Variants in SPOCK3 observed in about 807,000 individuals in gnomAD.
The protein encoded by SPOCK3 is testican-3.
A neutral mutation model predicts 56.6 loss-of-function variants in SPOCK3; 30 were observed. That is an observed-to-expected ratio of 0.53 (90% CI 0.40 to 0.72). SPOCK3 has a LOEUF of 0.72. Ranked by LOEUF, SPOCK3 falls within the 30% of genes least tolerant of loss-of-function variation. SPOCK3 has a pLI of 0.00. For missense variants in SPOCK3, 527 were observed against 530.0 expected, an observed-to-expected ratio of 0.99 and a Z score of 0.06; for synonymous variants, 196 against 183.3, an observed-to-expected ratio of 1.07 and a Z score of -0.56.
At chr4:166,998,368 T>C (rs919032336) in intron 4 of SPOCK3, among the ~76,000 whole-genome samples, 18 of 152,128 alleles carry the variant, frequency 1.2e-4, no homozygotes, top group Non-Finnish European at 1.5e-4. Context: ...ATTTTATATA[T>C]TAAGGGACAT....
rs1209437348 is a variant in SPOCK3 at position 167,010,069 on chromosome 4, A to G, written c.236-9606T>C. ...TGCTGAAACTGCAAAGAAATAAACA[A>G]TAAGTGGGTGGGGGGAGTAAATTGA... On this transcript the variant is annotated intron_variant, in intron 3 of 10. Coordinates refer to ENST00000357545, the MANE Select transcript of SPOCK3 (RefSeq NM_001040159.2). Among the ~76,000 whole-genome samples, 7 of 152,138 alleles carry G rather than the reference A, an allele frequency of 4.6e-5. No homozygotes were observed. The South Asian group carries it at 6.2e-4, about 13-fold the overall frequency.
At chr4:166,844,215 T>A (rs560118273) in intron 6 of SPOCK3, among the ~76,000 whole-genome samples, 1 of 152,362 alleles carries the variant, frequency 6.6e-6, no homozygotes, top group South Asian at 2.1e-4. Context: ...GTTCAAATTC[T>A]ACCACTGTCA....
Position 166,903,293 on chromosome 4 carries a change from T to C in SPOCK3, c.474+9327A>G, listed in dbSNP as rs13103911. 1.8e-3 allele frequency among the ~76,000 whole-genome samples: 270 copies of C among 152,006 alleles called. 3 individuals carry two copies. In the East Asian group the frequency reaches 0.046, roughly 26 times the overall value. ...GAAAGTATATATTGAGGCTTCCAAG[T>C]CTTGGTGTAACTTAATATATGAAAT... is the stretch of plus-strand genomic sequence containing the variant. On this transcript the variant is annotated intron_variant, in intron 5 of 10. Coordinates refer to ENST00000357545, the MANE Select transcript of SPOCK3 (RefSeq NM_001040159.2).
At chr4:167,114,873 C>CCAG (rs1166455666) in intron 2 of SPOCK3, among the ~76,000 whole-genome samples, 1 of 151,680 alleles carries the variant, frequency 6.6e-6, no homozygotes, top group East Asian at 1.9e-4. Context: ...TACTAAGACT[C>CCAG]CAGCATTCAT....
rs537571297 is a variant in SPOCK3, at chr4:167,041,006, A to G, written c.235+21486T>C. The stretch of plus-strand genomic sequence containing the variant: ...TCACTCGAAGGTGTAATGAGTGGTC[A>G]TGGATAGAGCCGGGCTCACTGGCAT... On this transcript the variant is annotated intron_variant, in intron 3 of 10. Transcript: ENST00000357545. 1.8e-4 allele frequency among the ~76,000 whole-genome samples: 27 copies of G among 152,332 alleles called. No homozygotes were observed. In the South Asian group the frequency reaches 5.6e-3, roughly 32 times the overall value.
chr4:166,923,897 G>T (rs1476781865), intron 4 of SPOCK3, among the ~76,000 whole-genome samples: 1 of 152,078 alleles, frequency 6.6e-6, no homozygotes, highest in Non-Finnish European at 1.5e-5. Flanking sequence ...ATTAAAAATG[G>T]CAGGCATATC....
intron 2 of SPOCK3, among the ~76,000 whole-genome samples, chr4:167,134,304 A>G (rs1762939312): frequency 6.6e-6 from 1 of 151,904 alleles, no homozygotes. Flanking sequence ...AAATGCTGGG[A>G]TTACAGGTGT....
At chr4:166,852,830 T>C (rs1730268175) in intron 6 of SPOCK3, among the ~76,000 whole-genome samples, 1 of 152,212 alleles carries the variant, frequency 6.6e-6, no homozygotes, top group Admixed American at 6.5e-5. Flanking sequence ...TTGTGTGGGA[T>C]TGAATAAAGT....
intron 6 of SPOCK3, among the ~76,000 whole-genome samples, chr4:166,858,252 C>T (rs1436981829): frequency 6.6e-6 from 1 of 152,146 alleles, no homozygotes; most frequent in African/African-American, 2.4e-5. Flanking sequence ...ATTTGGAAGG[C>T]TCCCTATTTT....
At chr4:166,943,492 T>C (rs1213581191) in intron 4 of SPOCK3, among the ~76,000 whole-genome samples, 1 of 152,140 alleles carries the variant, frequency 6.6e-6, no homozygotes, top group Non-Finnish European at 1.5e-5. Flanking sequence ...ACATTAAAAT[T>C]TGACAAAAAG....
chr4:167,156,705 C>A (rs1764846917), intron 2 of SPOCK3, among the ~76,000 whole-genome samples: 1 of 152,120 alleles, frequency 6.6e-6, no homozygotes, highest in African/African-American at 2.4e-5. Context: ...TGTAAAACAG[C>A]CTCTTCAAAA....
At chr4:167,215,408 A>G (rs1027318406) in intron 2 of SPOCK3, among the ~76,000 whole-genome samples, 2 of 152,122 alleles carry the variant, frequency 1.3e-5, no homozygotes, top group Non-Finnish European at 2.9e-5. Context: ...GGGACTCATG[A>G]AAAAGACAGG....
chr4:167,167,108 T>C (rs1311219405), intron 2 of SPOCK3, among the ~76,000 whole-genome samples: 1 of 152,142 alleles, frequency 6.6e-6, no homozygotes, highest in Admixed American at 6.6e-5. Context: ...TCTTTCCCGA[T>C]GCAAATTTCA....
chr4:166,779,856 C>G (rs1376667966), intron 7 of SPOCK3, among the ~76,000 whole-genome samples: 1 of 152,046 alleles, frequency 6.6e-6, no homozygotes, highest in Non-Finnish European at 1.5e-5. Flanking sequence ...TTGAAAGCAG[C>G]AGGAAGAATA....
chr4:166,743,441 T>TA (rs5863838), intron 8 of SPOCK3, among the ~76,000 whole-genome samples: 49,531 of 151,596 alleles, frequency 0.33, 8,268 homozygotes, highest in Admixed American at 0.41. Context: ...TTGCAGAATC[T>TA]AAAAAAAAAT....
At chr4:166,929,818 T>G (rs1739528746) in intron 4 of SPOCK3, among the ~76,000 whole-genome samples, 1 of 152,216 alleles carries the variant, frequency 6.6e-6, no homozygotes, top group African/African-American at 2.4e-5. Context: ...GTCTAAGATA[T>G]GTAAATTATT....
At chr4:167,107,043 C>T (rs1480370990) in intron 2 of SPOCK3, among the ~76,000 whole-genome samples, 7 of 151,688 alleles carry the variant, frequency 4.6e-5, no homozygotes, top group Non-Finnish European at 1.5e-5. Flanking sequence ...TGCCCAGGAC[C>T]CACTGGCTTC....
intron 2 of SPOCK3, among the ~76,000 whole-genome samples, chr4:167,205,476 ATATATAATATATAATATATAATATATAT>A (rs1334202857): frequency 6.0e-5 from 3 of 50,304 alleles, no homozygotes; most frequent in African/African-American, 9.1e-5. Context: ...AATTTATTTT[ATATATAATATATAATATATAATATATAT>A]TATATAATAT....
chr4:167,182,087 C>A (rs1731513232), intron 2 of SPOCK3, among the ~76,000 whole-genome samples: 1 of 152,142 alleles, frequency 6.6e-6, no homozygotes. Flanking sequence ...TAATGACTTT[C>A]TAAATAACTC....
Sources: allele counts gnomAD v4.1 joint callset (sites outside exome capture counted in the v4.1 genomes callset), GRCh38; gene constraint gnomAD v4.1.1; transcripts MANE v1.5; gene names NCBI Gene and HGNC (gene_info 2026-07-23, HGNC 2026-07-21).